ZCCHC18: variants seen among roughly 807,000 people sequenced by gnomAD.
ZCCHC18 encodes zinc finger CCHC domain-containing protein 18.
For synonymous variants in ZCCHC18, 112 were observed against 115.7 expected (o/e 0.97, Z 0.21); for missense variants, 292 against 305.1 (o/e 0.96, Z 0.32).
In ZCCHC18 at chrX:104,112,714, A is replaced by C. The variant is rs1443158232; in HGVS notation, c.-1018A>C. The C allele has an allele frequency of 2.7e-5, 3 of 113,121 alleles. No homozygotes were observed. The highest frequency in any genetic ancestry group is 1.8e-4 in the Admixed American group (2 of 10,854). 9.3% of individuals were successfully genotyped at this position (113,121 alleles called of 1,213,427 possible). A position where few individuals can be genotyped will look rare whatever the true frequency, so the allele number is the denominator to read the frequency against. Reference sequence around the variant, plus strand: ...CTTAGCGGCCGAGGAGGCGGCAGAGATCCCGTTCCCCTGCAGAGCTACGGG... The same window carrying C: ...CTTAGCGGCCGAGGAGGCGGCAGAGCTCCCGTTCCCCTGCAGAGCTACGGG... On this transcript the variant is annotated 5_prime_UTR_variant, in exon 1 of 3. Coordinates refer to ENST00000650639, the MANE Select transcript of ZCCHC18 (RefSeq NM_001143978.3).
chrX:104,113,967 TA>T lies in ZCCHC18; in HGVS notation c.-143del. ...GCTTCCCCACAGCCCACTATCTTATTAACCTTTTTTACTTTCCTTAGAATCC... is the reference window on the plus strand; with the variant it reads ...GCTTCCCCACAGCCCACTATCTTATTACCTTTTTTACTTTCCTTAGAATCC... On this transcript the variant is annotated 5_prime_UTR_variant, in exon 3 of 3. An upstream open reading frame in the 5' UTR loses its in-frame stop. Coordinates refer to ENST00000650639, the MANE Select transcript of ZCCHC18 (RefSeq NM_001143978.3). 1 of 994,374 alleles carries T rather than the reference TA, an allele frequency of 1.0e-6. No individual in the cohort carries two copies. The highest frequency in any genetic ancestry group is 3.3e-5 in the East Asian group (1 of 30,127). 81.9% of individuals were successfully genotyped at this position (994,374 alleles called of 1,213,427 possible). A position where few individuals can be genotyped will look rare whatever the true frequency, so the allele number is the denominator to read the frequency against.
rs1446017602 is a variant in ZCCHC18, at chrX:104,113,603, G to C, written c.-509G>C. On this transcript the variant is annotated 5_prime_UTR_variant, in exon 3 of 3. Coordinates refer to ENST00000650639, the MANE Select transcript of ZCCHC18 (RefSeq NM_001143978.3). ...GAATCTGAGAAATAACGGGGGAAAC[G>C]TTGACAAGGGGGTGTGATTGAGACC... 8.9e-6 allele frequency: 1 copy of C among 112,509 alleles called. No homozygotes were observed. The highest frequency in any genetic ancestry group is 2.8e-4 in the East Asian group (1 of 3,577). The allele number at this position is 112,509 out of a possible 1,213,427, so 9.3% of individuals were successfully genotyped here.
Position 104,115,109 on chromosome X carries a change from G to A in ZCCHC18, c.998G>A (p.Gly333Asp). The change falls in exon 3 of 3, where the codon GGT (glycine) becomes GAT (aspartate). Residue 333 changes from glycine to aspartate, a missense_variant. Gly to Asp is a moderately conservative substitution (Grantham distance 94, BLOSUM62 -1). Transcript: ENST00000650639. ...TSGGSGYKND[G>D]PGNIRRARKR... ...GGTGGTTCTGGGTATAAGAATGATG[G>A]TCCTGGGAATATTCGTAGAGCCAGG... 8.3e-7 allele frequency: 1 copy of A among 1,202,610 alleles called. No homozygotes were observed. The highest frequency in any genetic ancestry group is 1.1e-6 in the Non-Finnish European group (1 of 890,504).
In ZCCHC18 at chrX:104,114,740, T is replaced by G. The variant is rs782068562; in HGVS notation, c.629T>G (p.Leu210Arg). Residue 210 changes from leucine to arginine, a missense_variant, in exon 3 of 3, where the codon CTG becomes CGG. Leu to Arg is a moderately radical substitution (Grantham distance 102). Transcript: ENST00000650639. ...AAGCAGGAGCGGCTTCCCAATTTCC[T>G]GGAGTTAATCAAGATGATAAGGGAG... is the stretch of plus-strand genomic sequence containing the variant. ...ANKQERLPNF[L>R]ELIKMIREEE... is the part of the protein sequence containing the mutation. 4.1e-6 allele frequency: 5 copies of G among 1,210,162 alleles called. No individual in the cohort carries two copies. The highest frequency in any genetic ancestry group is 5.6e-6 in the Non-Finnish European group (5 of 895,262).
chrX:104,113,094 C>T (rs1488833461), intron 1 of ZCCHC18, 93 bp downstream of exon 1: 1 of 110,074 alleles, frequency 9.1e-6, no homozygotes, highest in African/African-American at 3.3e-5. Flanking sequence ...AGGAGACGAT[C>T]GCAAGCTGTC....
chrX:104,114,631 C>T lies in ZCCHC18; in HGVS notation c.520C>T (p.Arg174Cys). The T allele has an allele frequency of 1.1e-5, 13 of 1,211,933 alleles. No homozygotes were observed. Among genetic ancestry groups the T allele is most frequent in the Non-Finnish European group, 1.3e-5 (12 of 895,611 alleles). ...ILAEKDANQT[R>C]LQQLLLGAEL... ...AGCTGAGAAAGATGCAAACCAGACT[C>T]GCTTGCAACAGCTTCTTTTAGGCGC... Residue 174 changes from arginine (R) to cysteine (C), a missense_variant, in exon 3 of 3, where the codon CGC becomes TGC. Physicochemically the swap from Arg to Cys is radical, Grantham distance 180 (BLOSUM62 -3). Transcript: ENST00000650639.
rs1602491005 is a variant in ZCCHC18, at chrX:104,113,992, C to A, written c.-120C>A. ...TAACCTTTTTTACTTTCCTTAGAAT[C>A]CCTACTGAAATATAAGGCAGGCACA... On this transcript the variant is annotated 5_prime_UTR_variant, in exon 3 of 3. Coordinates refer to ENST00000650639, the MANE Select transcript of ZCCHC18 (RefSeq NM_001143978.3). The A allele has an allele frequency of 5.5e-6, 6 of 1,093,480 alleles. No homozygotes were observed. The East Asian group carries it at 1.3e-4, about 23-fold the overall frequency. 90.1% of individuals were successfully genotyped at this position (1,093,480 alleles called of 1,213,427 possible).
rs782050985 is a variant in ZCCHC18 at position 104,114,125 on chromosome X, C to T, written c.14C>T (p.Thr5Ile). The T allele has an allele frequency of 5.8e-6, 7 of 1,211,765 alleles. No homozygotes were observed. The highest frequency in any genetic ancestry group is 7.8e-6 in the Non-Finnish European group (7 of 895,448). ...TCGTCGTCAGTCATGGCTAGCATCA[C>T]TGCGTGTGTGGGTAACAGCAGGCAG... is the stretch of plus-strand genomic sequence containing the variant. The part of the protein sequence containing the change: MASI[T>I]ACVGNSRQQN... The change falls in exon 3 of 3, where the codon ACT becomes ATT. Residue 5 changes from threonine to isoleucine, a missense_variant. Thr to Ile is a moderately conservative substitution (Grantham distance 89). Coordinates refer to ENST00000650639, the MANE Select transcript of ZCCHC18 (RefSeq NM_001143978.3).
rs782179406 is a variant in ZCCHC18, at chrX:104,114,492, T to G, written c.381T>G (p.Ser127Arg). ...MKLVFGESES[S>R]VTAHGKFFNT... The stretch of plus-strand genomic sequence containing the variant: ...TGGTGTTTGGGGAGTCTGAAAGCAG[T>G]GTGACTGCCCATGGTAAATTTTTTA... The change falls in exon 3 of 3, where the codon AGT (serine) becomes AGG (arginine). Residue 127 changes from serine to arginine, a missense_variant. Ser to Arg is a moderately radical substitution (Grantham distance 110). Coordinates refer to ENST00000650639, the MANE Select transcript of ZCCHC18 (RefSeq NM_001143978.3). 18 of 1,209,877 alleles carry G rather than the reference T, an allele frequency of 1.5e-5. No homozygotes were observed. The highest frequency in any genetic ancestry group is 1.8e-5 in the Non-Finnish European group (16 of 895,262).
chrX:104,114,982 C>A lies in ZCCHC18; in HGVS notation c.871C>A (p.Pro291Thr). The A allele has an allele frequency of 8.4e-7, 1 of 1,192,567 alleles. No homozygotes were observed. The highest frequency in any genetic ancestry group is 3.0e-5 in the East Asian group (1 of 32,828). The stretch of plus-strand genomic sequence containing the variant: ...GGTGTCTCTGTACCCTTCACTGACA[C>A]CTACAGGTGCCCCTCCCTTCAGAGG... ...LVVSLYPSLTPTGAPPFRGRA... is the reference protein window; with the variant it reads ...LVVSLYPSLTTTGAPPFRGRA... The change falls in exon 3 of 3, where the codon CCT becomes ACT. Residue 291 changes from proline (P) to threonine (T), a missense_variant. Physicochemically the swap from Pro to Thr is conservative, Grantham distance 38. Transcript: ENST00000650639.
chrX:104,114,268 G>A lies in ZCCHC18; in HGVS notation c.157G>A (p.Val53Met). 8.3e-7 allele frequency: 1 copy of A among 1,210,207 alleles called. No individual in the cohort carries two copies. Among genetic ancestry groups the A allele is most frequent in the Non-Finnish European group, 1.1e-6 (1 of 894,782 alleles). Residue 53 changes from valine (V) to methionine (M), a missense_variant, in exon 3 of 3, where the codon GTG becomes ATG. Transcript: ENST00000650639. ...CATGAAGTTGTTCTCAGGAAGAGTG[G>A]TGCCAGCCCAGGGGAAAGAAACCTT... ...RNMKLFSGRV[V>M]PAQGKETFEN...
In ZCCHC18 at chrX:104,115,144, T is replaced by C; in HGVS notation, c.1033T>C (p.Tyr345His). ...TATTCGTAGAGCCAGGAAGCGAAAA[T>C]ACACAACCCGCTGCTCATATTGTGG... ...GNIRRARKRK[Y>H]TTRCSYCGEE... Residue 345 changes from tyrosine to histidine, a missense_variant, in exon 3 of 3, where the codon TAC becomes CAC. Physicochemically the swap from Tyr to His is moderately conservative, Grantham distance 83. Transcript: ENST00000650639. 1 of 1,207,665 alleles carries C rather than the reference T, an allele frequency of 8.3e-7. No individual in the cohort carries two copies. The highest frequency in any genetic ancestry group is 1.1e-6 in the Non-Finnish European group (1 of 893,369).
rs1051282748 is a variant in ZCCHC18, at chrX:104,113,889, T to A, written c.-223T>A. 5 of 468,383 alleles carry A rather than the reference T, an allele frequency of 1.1e-5. No homozygotes were observed. Among genetic ancestry groups the A allele is most frequent in the African/African-American group, 2.4e-5 (1 of 40,909 alleles). The allele number at this position is 468,383 out of a possible 1,213,427, so 38.6% of individuals were successfully genotyped here. Reference sequence around the variant, plus strand: ...GGGTATTGTTAAGGCACTGGGCAGATATAAAATGCACTGCAAGGCTATTCA... The same window carrying A: ...GGGTATTGTTAAGGCACTGGGCAGAAATAAAATGCACTGCAAGGCTATTCA... On this transcript the variant is annotated 5_prime_UTR_variant, in exon 3 of 3. Transcript: ENST00000650639.
Position 104,115,337 on chromosome X carries a change from C to A in ZCCHC18, c.*14C>A. 1 of 1,140,676 alleles carries A rather than the reference C, an allele frequency of 8.8e-7. No individual in the cohort carries two copies. The highest frequency in any genetic ancestry group is 1.2e-6 in the Non-Finnish European group (1 of 859,351). 94.0% of individuals were successfully genotyped at this position (1,140,676 alleles called of 1,213,427 possible). On this transcript the variant is annotated 3_prime_UTR_variant, in exon 3 of 3. Coordinates refer to ENST00000650639, the MANE Select transcript of ZCCHC18 (RefSeq NM_001143978.3). Reference sequence around the variant, plus strand: ...GAGCCACAGTAAGGATCTAGTCCAGCCCTAAATGAGTCCTTGACTGTATTC... The same window carrying A: ...GAGCCACAGTAAGGATCTAGTCCAGACCTAAATGAGTCCTTGACTGTATTC...
At position 104,115,025 on chromosome X, in the gene ZCCHC18, A is replaced by G. The variant is rs1203758163; in HGVS notation, c.914A>G (p.Asp305Gly). Residue 305 changes from aspartate (D) to glycine (G), a missense_variant, in exon 3 of 3, where the codon GAT (aspartate) becomes GGT (glycine). Asp to Gly is a moderately conservative substitution (Grantham distance 94). Coordinates refer to ENST00000650639, the MANE Select transcript of ZCCHC18 (RefSeq NM_001143978.3). The stretch of plus-strand genomic sequence containing the variant: ...TTCAGAGGAAGAGCCAGACCTCTGG[A>G]TCAAGTGCTGGTTATTGATTCCCCC... ...PPFRGRARPLDQVLVIDSPNN... is the reference protein window; with the variant it reads ...PPFRGRARPLGQVLVIDSPNN... The G allele has an allele frequency of 8.4e-7, 1 of 1,194,801 alleles. No homozygotes were observed. Among genetic ancestry groups the G allele is most frequent in the Non-Finnish European group, 1.1e-6 (1 of 886,605 alleles).
Position 104,113,003 on chromosome X carries a change from T to G in ZCCHC18, c.-731+2T>G, listed in dbSNP as rs1490940545. ...GATTTAGGATTTGCCTGGATTAAGG[T>G]GGGTGGGGGTGTTGTCGTAGGTCGG... On this transcript the variant is annotated splice_donor_variant, in intron 1 of 2. Coordinates refer to ENST00000650639, the MANE Select transcript of ZCCHC18 (RefSeq NM_001143978.3). LOFTEE classifies it low-confidence loss of function (5UTR_SPLICE). 1 of 12,670 alleles carries G rather than the reference T, an allele frequency of 7.9e-5. No homozygotes were observed. Among genetic ancestry groups the G allele is most frequent in the African/African-American group, 3.6e-4 (1 of 2,781 alleles). The allele number at this position is 12,670 out of a possible 1,213,427, so 1.0% of individuals were successfully genotyped here.
chrX:104,114,616 G>T lies in ZCCHC18; in HGVS notation c.505G>T (p.Asp169Tyr), dbSNP rs2147868865. The T allele has an allele frequency of 8.3e-7, 1 of 1,212,013 alleles. No homozygotes were observed. Among genetic ancestry groups the T allele is most frequent in the East Asian group, 3.0e-5 (1 of 33,849 alleles). Residue 169 changes from aspartate to tyrosine, a missense_variant, in exon 3 of 3, where the codon GAT becomes TAT. By Grantham distance (160) the Asp-to-Tyr change is radical. Coordinates refer to ENST00000650639, the MANE Select transcript of ZCCHC18 (RefSeq NM_001143978.3). The stretch of plus-strand genomic sequence containing the variant: ...TCAGGCAGGCATCCTAGCTGAGAAA[G>T]ATGCAAACCAGACTCGCTTGCAACA... The part of the protein sequence containing the change: ...AIQAGILAEK[D>Y]ANQTRLQQLL...
chrX:104,114,231 G>T lies in ZCCHC18; in HGVS notation c.120G>T (p.Met40Ile). ...GTCTCTGTCCTTTAGTGGTCAAAAT[G>T]GCAGAGAGAAACATGAAGTTGTTCT... ...GRSLCPLVVK[M>I]AERNMKLFSG... The change falls in exon 3 of 3, where the codon ATG becomes ATT. Residue 40 changes from methionine (M) to isoleucine (I), a missense_variant. Physicochemically the swap from Met to Ile is conservative, Grantham distance 10. Transcript: ENST00000650639. The T allele has an allele frequency of 1.7e-6, 2 of 1,208,670 alleles. No individual in the cohort carries two copies. Among genetic ancestry groups the T allele is most frequent in the Non-Finnish European group, 2.2e-6 (2 of 893,815 alleles).
At position 104,115,414 on chromosome X, in the gene ZCCHC18, GAATT is replaced by G. The variant is rs1556361103; in HGVS notation, c.*95_*98del. The G allele has an allele frequency of 2.3e-6, 2 of 873,563 alleles. No individual in the cohort carries two copies. Among genetic ancestry groups the G allele is most frequent in the Non-Finnish European group, 3.1e-6 (2 of 638,286 alleles). 72.0% of individuals were successfully genotyped at this position (873,563 alleles called of 1,213,427 possible). ...GAGGGGGGTGGGTTTCTAACTGCATGAATTAATCCACAAAGCAGTTTTCCTTTGG... is the reference window on the plus strand; with the variant it reads ...GAGGGGGGTGGGTTTCTAACTGCATGAATCCACAAAGCAGTTTTCCTTTGG... On this transcript the variant is annotated 3_prime_UTR_variant, in exon 3 of 3. Transcript: ENST00000650639.
Sources: allele counts gnomAD v4.1 joint callset, GRCh38; gene constraint gnomAD v4.1.1; transcripts MANE v1.5; gene names NCBI Gene and HGNC (gene_info 2026-07-23, HGNC 2026-07-21).